The following LARGE1 variants were observed in gnomAD, a reference collection of about 807,000 sequenced individuals.
The protein encoded by LARGE1 is LARGE xylosyl- and glucuronyltransferase 1.
Under a neutral mutation model 87.6 loss-of-function variants are expected in LARGE1, and 43 were observed. That is an observed-to-expected ratio of 0.49 (90% CI 0.38 to 0.63). The LOEUF (loss-of-function observed/expected upper bound fraction) is 0.63, where lower values mean the gene tolerates loss of function less well. LARGE1 is among the 30% of genes least tolerant of loss of function. The pLI is 0.00. For missense variants in LARGE1, 802 were observed against 1,000.2 expected (o/e 0.80, Z 2.67); for synonymous variants, 434 against 394.6 (o/e 1.10, Z -1.18).
At chr22:33,522,379 A>G (rs1282565037) in intron 6 of LARGE1, among the ~76,000 whole-genome samples, 1 of 152,172 alleles carries the variant, frequency 6.6e-6, no homozygotes, top group Non-Finnish European at 1.5e-5. Flanking sequence ...GTGTTACCAA[A>G]CTTACAGATT....
rs115514804 is a variant in LARGE1 at position 33,464,126 on chromosome 22, G to T, written c.788-31861C>A. ...CTTAGGAATACATAAACAACCAATG[G>T]AACTTATTCATTCATATATAGGAAC... On this transcript the variant is annotated intron_variant, in intron 6 of 14. Transcript: ENST00000397394. Among the ~76,000 whole-genome samples, 811 of 152,126 alleles carry T rather than the reference G, an allele frequency of 5.3e-3. 6 individuals carry two copies. The highest frequency in any genetic ancestry group is 0.018 in the African/African-American group (733 of 41,498).
chr22:33,874,751 T>C (rs1341668534), intron 1 of LARGE1, among the ~76,000 whole-genome samples: 3 of 152,198 alleles, frequency 2.0e-5, no homozygotes, highest in Non-Finnish European at 4.4e-5. Flanking sequence ...CTCGGTTTCC[T>C]TGTCTGTTAA....
At chr22:33,330,527 A>G (rs542606701) in intron 10 of LARGE1, among the ~76,000 whole-genome samples, 2 of 152,282 alleles carry the variant, frequency 1.3e-5, no homozygotes, top group African/African-American at 4.8e-5. Context: ...TGTTGAGGAA[A>G]AGGGAGAGAA....
intron 7 of LARGE1, among the ~76,000 whole-genome samples, chr22:33,389,429 G>A (rs1366135597): frequency 6.6e-6 from 1 of 152,246 alleles, no homozygotes; most frequent in African/African-American, 2.4e-5. Flanking sequence ...AGGCCCAGGA[G>A]ATGATTTTGT....
At chr22:33,376,342 T>A (rs2064992504) in intron 9 of LARGE1, among the ~76,000 whole-genome samples, 2 of 152,366 alleles carry the variant, frequency 1.3e-5, no homozygotes, top group South Asian at 4.1e-4. Flanking sequence ...TCTTCTAGAT[T>A]TCTACAATCC....
the LARGE1 span, among the ~76,000 whole-genome samples, chr22:33,104,197 C>T: frequency 6.6e-6 from 1 of 152,160 alleles, no homozygotes; most frequent in African/African-American, 2.4e-5. Flanking sequence ...TGTTGCTGGA[C>T]CTCTGACCTA....
chr22:33,496,621 T>C (rs1257626610), intron 6 of LARGE1, among the ~76,000 whole-genome samples: 3 of 152,206 alleles, frequency 2.0e-5, no homozygotes, highest in Non-Finnish European at 4.4e-5. Flanking sequence ...GCTATGTTGT[T>C]AGCAGCCTGA....
chr22:33,677,586 C>T (rs997859681), intron 2 of LARGE1, among the ~76,000 whole-genome samples: 1 of 152,108 alleles, frequency 6.6e-6, no homozygotes, highest in Non-Finnish European at 1.5e-5. Flanking sequence ...CCACCATGGC[C>T]CTCAGTCAGA....
chr22:33,742,242 A>T (rs2083912296), intron 2 of LARGE1, among the ~76,000 whole-genome samples: 1 of 152,152 alleles, frequency 6.6e-6, no homozygotes, highest in Non-Finnish European at 1.5e-5. Context: ...GGATAATAGG[A>T]CCAGCCTCAT....
At chr22:33,607,935 A>G (rs2079313103) in intron 4 of LARGE1, among the ~76,000 whole-genome samples, 1 of 152,190 alleles carries the variant, frequency 6.6e-6, no homozygotes. Flanking sequence ...TATTTTCCCT[A>G]CAGCTTCCCT....
chr22:33,666,682 G>T (rs990964711), intron 2 of LARGE1, among the ~76,000 whole-genome samples: 5 of 152,282 alleles, frequency 3.3e-5, no homozygotes, highest in African/African-American at 1.2e-4. Context: ...TTCTGCAACC[G>T]CCAGTGGATT....
At chr22:33,805,403 C>A (rs2086276151) in intron 1 of LARGE1, among the ~76,000 whole-genome samples, 1 of 152,106 alleles carries the variant, frequency 6.6e-6, no homozygotes, top group African/African-American at 2.4e-5. Context: ...TCCTCTGCCC[C>A]AACCACTCCA....
At chr22:33,200,522 A>C (rs1924325494) in intron 11 of LARGE1, among the ~76,000 whole-genome samples, 2 of 152,244 alleles carry the variant, frequency 1.3e-5, no homozygotes, top group Non-Finnish European at 2.9e-5. Flanking sequence ...ACGTATGTCC[A>C]CATAAAAACT....
intron 1 of LARGE1, among the ~76,000 whole-genome samples, chr22:33,865,705 A>C (rs1168117231): frequency 6.6e-6 from 1 of 152,108 alleles, no homozygotes; most frequent in Non-Finnish European, 1.5e-5. Flanking sequence ...TTGCCATAAA[A>C]TCTTGAGAGT....
chr22:33,701,653 G>A (rs1311943006), intron 2 of LARGE1, among the ~76,000 whole-genome samples: 2 of 152,198 alleles, frequency 1.3e-5, no homozygotes, highest in African/African-American at 2.4e-5. Flanking sequence ...GGCCAAAAAC[G>A]GGGACACATC....
At chr22:33,620,384 TG>T (rs1431613243) in intron 4 of LARGE1, among the ~76,000 whole-genome samples, 1 of 152,186 alleles carries the variant, frequency 6.6e-6, no homozygotes, top group East Asian at 1.9e-4. Context: ...TTAGTTTCCT[TG>T]AAGAGCAGCA....
chr22:33,316,488 G>A (rs764471001), intron 10 of LARGE1, among the ~76,000 whole-genome samples: 1 of 152,190 alleles, frequency 6.6e-6, no homozygotes, highest in Non-Finnish European at 1.5e-5. Context: ...CACCTGTAAT[G>A]TCAGCACTTT....
chr22:33,121,741 G>A, the LARGE1 span, among the ~76,000 whole-genome samples: 1 of 152,184 alleles, frequency 6.6e-6, no homozygotes, highest in Non-Finnish European at 1.5e-5. Context: ...AGACATACCT[G>A]AGACTGGGTA....
chr22:33,510,997 T>C (rs772165618), intron 6 of LARGE1, among the ~76,000 whole-genome samples: 2 of 152,142 alleles, frequency 1.3e-5, no homozygotes, highest in Non-Finnish European at 2.9e-5. Context: ...ATGAACCCAA[T>C]TCAAGGTGGC....
Sources: allele counts gnomAD v4.1 joint callset (sites outside exome capture counted in the v4.1 genomes callset), GRCh38; gene constraint gnomAD v4.1.1; transcripts MANE v1.5; gene names NCBI Gene and HGNC (gene_info 2026-07-23, HGNC 2026-07-21).